Variants in NUP153 observed in about 807,000 individuals in gnomAD.
NUP153 encodes the protein nucleoporin 153.
A neutral mutation model predicts 134.6 loss-of-function variants in NUP153; 27 were observed. The ratio of observed to expected loss-of-function variants is 0.20; its 90% confidence interval spans 0.15 to 0.28. The LOEUF (loss-of-function observed/expected upper bound fraction) is 0.28. NUP153 is among the 10% of genes least tolerant of loss of function. The pLI, the probability that NUP153 is intolerant of heterozygous loss-of-function variation, is 1.00. For synonymous variants in NUP153, 640 were observed against 623.5 expected (o/e 1.03, Z -0.40); for missense variants, 1,821 against 1,731.3 (o/e 1.05, Z -0.92).
At chr6:17,678,259 A>G (rs1768347724) in intron 2 of NUP153, among the ~76,000 whole-genome samples, 1 of 150,600 alleles carries the variant, frequency 6.6e-6, no homozygotes, top group Non-Finnish European at 1.5e-5. Context: ...GGGAGGCTGA[A>G]GCACGAGAAT....
At chr6:17,689,591 C>T (rs1273640449) in intron 1 of NUP153, among the ~76,000 whole-genome samples, 1 of 150,160 alleles carries the variant, frequency 6.7e-6, no homozygotes, top group Non-Finnish European at 1.5e-5. Flanking sequence ...GGCTGGAGTG[C>T]AACGGTGCGA....
At position 17,624,798 on chromosome 6, in the gene NUP153, G is replaced by GTGC. The variant is rs1764843843; in HGVS notation, c.3934_3936dup (p.Ala1312dup). On this transcript the variant is annotated inframe_insertion, in exon 20 of 22. Coordinates refer to ENST00000262077, the MANE Select transcript of NUP153 (RefSeq NM_005124.4). ...GCACCAAATGCTGGACTGGCAGATG[G>GTGC]TGCTGAGGGTCCAGTTCCAAATACA... The GTGC allele has an allele frequency of 6.2e-7, 1 of 1,613,324 alleles. No homozygotes were observed. Among genetic ancestry groups the GTGC allele is most frequent in the African/African-American group, 1.3e-5 (1 of 74,910 alleles).
At chr6:17,644,035 G>C (rs1287744659) in intron 14 of NUP153, among the ~76,000 whole-genome samples, 4 of 151,780 alleles carry the variant, frequency 2.6e-5, no homozygotes, top group Admixed American at 6.6e-5. Flanking sequence ...TATTACGTAA[G>C]GCTGTGTTAG....
At chr6:17,656,179 T>C (rs1356259636) in intron 11 of NUP153, among the ~76,000 whole-genome samples, 1 of 152,182 alleles carries the variant, frequency 6.6e-6, no homozygotes, top group Non-Finnish European at 1.5e-5. Context: ...CACTCCACCC[T>C]GGGAGACAGA....
chr6:17,657,393 T>TAAAAAATAAAAAAAA (rs1766885106), intron 11 of NUP153, among the ~76,000 whole-genome samples: 1 of 94,980 alleles, frequency 1.1e-5, no homozygotes, highest in Non-Finnish European at 2.5e-5. Context: ...AATAAAAAAA[T>TAAAAAATAAAAAAAA]AAAAAAATAA....
intron 1 of NUP153, among the ~76,000 whole-genome samples, chr6:17,694,718 C>T (rs1365034447): frequency 6.6e-6 from 1 of 151,234 alleles, no homozygotes; most frequent in Non-Finnish European, 1.5e-5. Context: ...GTGGCTTACT[C>T]CTATAAGCCC....
At chr6:17,684,645 T>C (rs1399530021) in intron 2 of NUP153, among the ~76,000 whole-genome samples, 2 of 152,218 alleles carry the variant, frequency 1.3e-5, no homozygotes, top group African/African-American at 4.8e-5. Context: ...GGCTAACTGG[T>C]GCAAGAGGCC....
chr6:17,695,200 T>C (rs551436370), intron 1 of NUP153, among the ~76,000 whole-genome samples: 1 of 152,366 alleles, frequency 6.6e-6, no homozygotes, highest in South Asian at 2.1e-4. Context: ...TAATCTTTAG[T>C]TCTGTAGTTT....
intron 1 of NUP153, among the ~76,000 whole-genome samples, chr6:17,690,260 G>A (rs972189967): frequency 5.9e-5 from 9 of 152,180 alleles, no homozygotes; most frequent in Non-Finnish European, 1.3e-4. Flanking sequence ...GCTGAGGCAG[G>A]AGAATGGCGT....
At chr6:17,684,112 G>A (rs1436912043) in intron 2 of NUP153, among the ~76,000 whole-genome samples, 1 of 152,214 alleles carries the variant, frequency 6.6e-6, no homozygotes, top group South Asian at 2.1e-4. Flanking sequence ...AAAACCTTGA[G>A]ACCACACTAA....
At chr6:17,695,774 C>T (rs963440046) in intron 1 of NUP153, among the ~76,000 whole-genome samples, 1 of 152,122 alleles carries the variant, frequency 6.6e-6, no homozygotes. Context: ...CTTTAGGAGG[C>T]CAAGGTGGGC....
chr6:17,661,659 C>T lies in NUP153; in HGVS notation c.1389G>A (p.Glu463=), dbSNP rs746878590. ...TATGAGTATACAACCCTACCTCCTC[C>T]TCCAGAGGTTTAGAAGCAACAAAGC... ...RTRFVASKPL[E]EEEMEVPVLP... Residue 463 remains glutamate (E), a synonymous_variant, in exon 11 of 22, where the codon GAG becomes GAA. Coordinates refer to ENST00000262077, the MANE Select transcript of NUP153 (RefSeq NM_005124.4). The T allele has an allele frequency of 2.1e-5, 34 of 1,613,442 alleles. No homozygotes were observed. The highest frequency in any genetic ancestry group is 2.5e-5 in the Non-Finnish European group (30 of 1,179,712).
rs749005000 is a variant in NUP153 at position 17,625,924 on chromosome 6, G to C, written c.3785C>G (p.Thr1262Ser). Residue 1262 changes from threonine to serine, a missense_variant, in exon 19 of 22, where the codon ACC (threonine) becomes AGC (serine). Thr to Ser is a moderately conservative substitution (Grantham distance 58). Transcript: ENST00000262077. This position sits in a 1 kb window ranked among gnomAD's most constrained non-coding sequence, Gnocchi z 4.7. ...GACAGCTGTACCTGTGCTGGATGTG[G>C]TTGCTAGTTTGCTATCTTGAGAAAA... ...LLFSQDSKLA[T>S]TSSTGTAVTP... The C allele has an allele frequency of 3.1e-6, 5 of 1,614,112 alleles. No individual in the cohort carries two copies. Among genetic ancestry groups the C allele is most frequent in the Non-Finnish European group, 4.2e-6 (5 of 1,180,042 alleles).
chr6:17,652,061 A>C (rs959140632), intron 11 of NUP153: 15 of 377,848 alleles, frequency 4.0e-5, no homozygotes, highest in Non-Finnish European at 7.1e-5. Context: ...AAAATAAATA[A>C]ATAAATAAAT....
chr6:17,622,164 T>A (rs1764676315), intron 20 of NUP153, among the ~76,000 whole-genome samples: 1 of 152,166 alleles, frequency 6.6e-6, no homozygotes, highest in Non-Finnish European at 1.5e-5. Context: ...TTTTCTAACA[T>A]CTTGGCTGGG....
intron 8 of NUP153, among the ~76,000 whole-genome samples, chr6:17,667,999 C>T (rs114434841): frequency 6.7e-6 from 1 of 149,372 alleles, no homozygotes; most frequent in Non-Finnish European, 1.5e-5. Context: ...CAATAGATTT[C>T]ACAAAATTTT....
At chr6:17,682,659 C>T (rs1768659696) in intron 2 of NUP153, among the ~76,000 whole-genome samples, 1 of 152,120 alleles carries the variant, frequency 6.6e-6, no homozygotes, top group Non-Finnish European at 1.5e-5. Context: ...TGGCTCACAC[C>T]TGTAAGCCCA....
At chr6:17,643,098 G>A (rs1410377004) in intron 14 of NUP153, among the ~76,000 whole-genome samples, 1 of 152,168 alleles carries the variant, frequency 6.6e-6, no homozygotes, top group Non-Finnish European at 1.5e-5. Context: ...AAAAGTGGTG[G>A]CTGCACAACG....
intron 12 of NUP153, 57 bp downstream of exon 12, chr6:17,649,106 T>C: frequency 6.8e-7 from 1 of 1,460,560 alleles, no homozygotes; most frequent in Non-Finnish European, 9.3e-7. Context: ...GGGTTTTTTT[T>C]AAATAAAGAA....
Sources: gnomAD v4.1 joint callset for allele counts (sites outside exome capture counted in the v4.1 genomes callset) on GRCh38, gnomAD v4.1.1 for gene constraint, Gnocchi (gnomAD v3.1) non-coding constraint, MANE v1.5 for transcripts, NCBI Gene and HGNC (gene_info 2026-07-23, HGNC 2026-07-21) for gene names.